Variants in PUM2 observed in about 807,000 individuals in gnomAD.
PUM2 encodes the protein pumilio RNA binding family member 2, also known as pumilio homolog 2.
In PUM2, 57 loss-of-function variants were observed where a neutral mutation model predicts 124.5. The observed-to-expected ratio is 0.46, with a 90% CI of 0.37 to 0.57. The LOEUF (loss-of-function observed/expected upper bound fraction) is 0.57, where lower values mean the gene tolerates loss of function less well. Among genes scored for constraint, PUM2 ranks in the 20% least tolerant of loss-of-function variants. The probability of loss-of-function intolerance (pLI) is 0.00; values close to 1 mark genes in which losing one functional copy is unlikely to be tolerated. For missense variants in PUM2, 1,065 were observed against 1,290.6 expected (o/e 0.83, Z 2.68); for synonymous variants, 460 against 446.1 (o/e 1.03, Z -0.39).
At chr2:20,252,765 T>A (rs1663761316) in intron 20 of PUM2, among the ~76,000 whole-genome samples, 1 of 152,200 alleles carries the variant, frequency 6.6e-6, no homozygotes, top group Non-Finnish European at 1.5e-5. Context: ...AAATTCTACT[T>A]AGAAAAATGT....
At chr2:20,321,726 C>T (rs1004524141) in intron 2 of PUM2, among the ~76,000 whole-genome samples, 2 of 152,070 alleles carry the variant, frequency 1.3e-5, no homozygotes, top group Admixed American at 1.3e-4. Context: ...GTAGAAAGAG[C>T]AACCATACAA....
chr2:20,260,245 G>A (rs1665849706), intron 15 of PUM2, 92 bp downstream of exon 15: 1 of 1,301,380 alleles, frequency 7.7e-7, no homozygotes, highest in African/African-American at 1.5e-5. Flanking sequence ...TTTTTTATAT[G>A]AAAATGACTT....
chr2:20,343,897 C>G (rs916306781), intron 1 of PUM2, among the ~76,000 whole-genome samples: 2 of 152,032 alleles, frequency 1.3e-5, no homozygotes, highest in Admixed American at 1.3e-4. Context: ...CCACTGCACT[C>G]CAGCCCCAGC....
chr2:20,251,851 T>C, intron 20 of PUM2, 135 bp from the exon 21 acceptor site: 5 of 1,101,710 alleles, frequency 4.5e-6, no homozygotes, highest in Non-Finnish European at 6.3e-6. Flanking sequence ...AAAGCTACTT[T>C]TTGCAAAAGC....
intron 1 of PUM2, among the ~76,000 whole-genome samples, chr2:20,335,006 G>T (rs1685697215): frequency 6.6e-6 from 1 of 152,008 alleles, no homozygotes; most frequent in Non-Finnish European, 1.5e-5. Context: ...AGAGTACAGT[G>T]GGGCAATCAT....
intron 8 of PUM2, among the ~76,000 whole-genome samples, chr2:20,295,808 G>C (rs1426236574): frequency 1.3e-5 from 2 of 152,126 alleles, no homozygotes; most frequent in Admixed American, 6.6e-5. Flanking sequence ...ACAAATTAAA[G>C]AGTATTATTG....
chr2:20,305,463 GAAAAAAAAAA>G (rs67834545), intron 7 of PUM2, among the ~76,000 whole-genome samples: 629 of 46,234 alleles, frequency 0.014, 7 homozygotes, highest in Non-Finnish European at 0.018. Flanking sequence ...CCCTGTCTTC[GAAAAAAAAAA>G]AAAAAAAAAA....
chr2:20,266,352 C>T lies in PUM2; in HGVS notation c.1958-2892G>A, dbSNP rs149755529. Among the ~76,000 whole-genome samples the T allele has an allele frequency of 2.0e-3, 305 of 151,756 alleles. 2 individuals are homozygous for T. Among genetic ancestry groups the T allele is most frequent in the Admixed American group, 7.0e-3 (106 of 15,236 alleles). ...CAGCTACTTGGGGAGGGTGAGGTTGCGAGGATCGCTTGAGCCTGGGAGGCA... is the reference window on the plus strand; with the variant it reads ...CAGCTACTTGGGGAGGGTGAGGTTGTGAGGATCGCTTGAGCCTGGGAGGCA... On this transcript the variant is annotated intron_variant, in intron 13 of 20. Transcript: ENST00000361078.
At chr2:20,270,513 GAAGAGGGCTGA>G (rs1216171467) in intron 13 of PUM2, among the ~76,000 whole-genome samples, 1 of 151,816 alleles carries the variant, frequency 6.6e-6, no homozygotes, top group African/African-American at 2.4e-5. Context: ...GTGGTGGTGG[GAAGAGGGCTGA>G]AGAACTGGGA....
At chr2:20,333,114 TAAC>T (rs1237767280) in intron 1 of PUM2, 1 of 152,186 alleles carries the variant, frequency 6.6e-6, no homozygotes, top group African/African-American at 2.4e-5. Context: ...TTCTAAATTT[TAAC>T]AATATTAGCT....
chr2:20,260,266 TCAGAGC>T, intron 15 of PUM2, 65 bp downstream of exon 15: 1 of 1,404,876 alleles, frequency 7.1e-7, no homozygotes. Flanking sequence ...TACCCAACTT[TCAGAGC>T]TTTTCTTAGC....
At chr2:20,289,183 G>C (rs1397489753) in intron 10 of PUM2, among the ~76,000 whole-genome samples, 1 of 151,960 alleles carries the variant, frequency 6.6e-6, no homozygotes, top group Non-Finnish European at 1.5e-5. Flanking sequence ...TAAGAAATGA[G>C]TAATAGGGCC....
chr2:20,282,944 T>C lies in PUM2; in HGVS notation c.1720+3A>G. ...AGTACACTCATCGTAAAAACAAACT[T>C]ACCTGATGAACCAAATCCACTGAGG... On this transcript the variant is annotated splice_donor_region_variant and intron_variant, in intron 12 of 20. Transcript: ENST00000361078. 1 of 1,612,282 alleles carries C rather than the reference T, an allele frequency of 6.2e-7. No homozygotes were observed. Among genetic ancestry groups the C allele is most frequent in the Middle Eastern group, 1.7e-4 (1 of 6,038 alleles).
At chr2:20,291,468 T>C (rs1286727028) in intron 9 of PUM2, among the ~76,000 whole-genome samples, 1 of 152,226 alleles carries the variant, frequency 6.6e-6, no homozygotes, top group Non-Finnish European at 1.5e-5. Context: ...TGCATATTCC[T>C]CTGTTCCTTG....
chr2:20,345,571 G>A (rs934822566), intron 1 of PUM2, among the ~76,000 whole-genome samples: 9 of 151,754 alleles, frequency 5.9e-5, no homozygotes, highest in Admixed American at 3.9e-4. Context: ...CATCTGCAAC[G>A]CTCAAAAAAA....
intron 14 of PUM2, 71 bp from the exon 15 acceptor site, chr2:20,260,537 A>C: frequency 7.8e-7 from 1 of 1,276,190 alleles, no homozygotes; most frequent in Non-Finnish European, 1.1e-6. Flanking sequence ...CTACCCTTCC[A>C]CATATATGCA....
intron 8 of PUM2, among the ~76,000 whole-genome samples, 178 bp downstream of exon 8, chr2:20,297,375 C>T (rs1025263762): frequency 6.6e-6 from 1 of 152,166 alleles, no homozygotes; most frequent in Non-Finnish European, 1.5e-5. Context: ...AAGCTTTTCC[C>T]TGTAGCATTA....
At chr2:20,328,857 T>C (rs1048968464) in intron 1 of PUM2, among the ~76,000 whole-genome samples, 4 of 152,140 alleles carry the variant, frequency 2.6e-5, no homozygotes, top group African/African-American at 9.7e-5. Flanking sequence ...ACTCTCTAAA[T>C]TGAAAATGTT....
rs1010864983 is a variant in PUM2 at position 20,350,429 on chromosome 2, C to G, written c.-19+168G>C. 1.8e-5 allele frequency: 17 copies of G among 950,674 alleles called. No homozygotes were observed. The East Asian group carries it at 3.5e-4, about 19-fold the overall frequency. 58.9% of individuals were successfully genotyped at this position (950,674 alleles called of 1,614,324 possible). ...CACACCCCCTTCCGGCACCCCTCCC[C>G]CTGCATTGTGCGAGCGGGCCCCAGG... On this transcript the variant is annotated intron_variant, in intron 1 of 20. Transcript: ENST00000361078.
Sources: gnomAD v4.1 joint callset for allele counts (sites outside exome capture counted in the v4.1 genomes callset) on GRCh38, gnomAD v4.1.1 for gene constraint, MANE v1.5 for transcripts, NCBI Gene and HGNC (gene_info 2026-07-23, HGNC 2026-07-21) for gene names.